MBTD1: variants seen among roughly 807,000 people sequenced by gnomAD.
The protein encoded by MBTD1 is MBT domain-containing protein 1.
A neutral mutation model predicts 87.8 loss-of-function variants in MBTD1; 24 were observed. That is an observed-to-expected ratio of 0.27 (90% CI 0.20 to 0.38). The LOEUF (loss-of-function observed/expected upper bound fraction) is 0.38. Ranked by LOEUF, MBTD1 falls within the 10% of genes least tolerant of loss-of-function variation. The pLI is 1.00. For missense variants in MBTD1, 436 were observed against 760.2 expected, an observed-to-expected ratio of 0.57 and a Z score of 5.02; for synonymous variants, 237 against 248.6, an observed-to-expected ratio of 0.95 and a Z score of 0.44.
At chr17:51,243,671 A>C (rs2054278284) in intron 2 of MBTD1, among the ~76,000 whole-genome samples, 1 of 152,124 alleles carries the variant, frequency 6.6e-6, no homozygotes, top group South Asian at 2.1e-4. Context: ...CTATCTCTTT[A>C]GTGTCCTTTA....
At chr17:51,192,554 C>T in intron 15 of MBTD1, 1 of 751,322 alleles carries the variant, frequency 1.3e-6, no homozygotes, top group Non-Finnish European at 2.1e-6. Flanking sequence ...AATTTGGTGA[C>T]TGTTGTGTTT....
chr17:51,225,175 C>T lies in MBTD1; in HGVS notation c.-14G>A, dbSNP rs1235484563. 1.3e-6 allele frequency: 2 copies of T among 1,533,412 alleles called. No homozygotes were observed. Among genetic ancestry groups the T allele is most frequent in the East Asian group, 2.5e-5 (1 of 40,466 alleles). The allele number at this position is 1,533,412 out of a possible 1,614,324, so 95.0% of individuals were successfully genotyped here. A position where few individuals can be genotyped will look rare whatever the true frequency, so the allele number is the denominator to read the frequency against. On this transcript the variant is annotated 5_prime_UTR_variant, in exon 3 of 17. Coordinates refer to ENST00000586178, the MANE Select transcript of MBTD1 (RefSeq NM_017643.3). ...ACCGTCAAACATCCCGAAAGAATCT[C>T]TTCTTTTCCTTTCAGATCGTGAAGA...
At chr17:51,249,047 T>C (rs535931185) in intron 2 of MBTD1, among the ~76,000 whole-genome samples, 1 of 152,048 alleles carries the variant, frequency 6.6e-6, no homozygotes, top group East Asian at 1.9e-4. Flanking sequence ...GCCCAAGAGT[T>C]TGAGACTAGC....
chr17:51,180,333 T>C lies in MBTD1; in HGVS notation c.*243A>G, dbSNP rs2050254658. 5.2e-6 allele frequency: 2 copies of C among 382,064 alleles called. No individual in the cohort carries two copies. Among genetic ancestry groups the C allele is most frequent in the Non-Finnish European group, 9.3e-6 (2 of 215,642 alleles). 23.7% of individuals were successfully genotyped at this position (382,064 alleles called of 1,614,324 possible). A position where few individuals can be genotyped will look rare whatever the true frequency, so the allele number is the denominator to read the frequency against. On this transcript the variant is annotated 3_prime_UTR_variant, in exon 17 of 17. Coordinates refer to ENST00000586178, the MANE Select transcript of MBTD1 (RefSeq NM_017643.3). ...ACATAAATCCAAACTTGGAAAATAT[T>C]ACAAAATTCTTTCAAAAGCTTCAAA...
chr17:51,258,458 G>A lies in MBTD1; in HGVS notation c.-49+685C>T, dbSNP rs192870205. ...TAAAAATATTGTAAACTCTAAACAA[G>A]TATTAAAATGGTTCGTAAATTTCAA... On this transcript the variant is annotated intron_variant, in intron 2 of 16. Coordinates refer to ENST00000586178, the MANE Select transcript of MBTD1 (RefSeq NM_017643.3). Among the ~76,000 whole-genome samples the A allele has an allele frequency of 1.7e-3, 251 of 151,604 alleles. 2 individuals are homozygous for A. The highest frequency in any genetic ancestry group is 2.5e-3 in the Non-Finnish European group (173 of 67,930).
intron 3 of MBTD1, among the ~76,000 whole-genome samples, chr17:51,222,596 C>T (rs933607898): frequency 1.3e-5 from 2 of 150,706 alleles, no homozygotes; most frequent in Non-Finnish European, 3.0e-5. Context: ...TGGGGTTTCA[C>T]CATGTTGCCC....
rs1243891256 is a variant in MBTD1, at chr17:51,180,470, T to C, written c.*106A>G. ...AAAAATCTGGAACTGAAATCTTCTA[T>C]GTTTAGCAAAATGTCCCAGTAGAGT... is the stretch of plus-strand genomic sequence containing the variant. On this transcript the variant is annotated 3_prime_UTR_variant, in exon 17 of 17. Transcript: ENST00000586178. 1 of 221,512 alleles carries C rather than the reference T, an allele frequency of 4.5e-6. No individual in the cohort carries two copies. Among genetic ancestry groups the C allele is most frequent in the Non-Finnish European group, 8.1e-6 (1 of 123,518 alleles). 13.7% of individuals were successfully genotyped at this position (221,512 alleles called of 1,614,324 possible). A position where few individuals can be genotyped will look rare whatever the true frequency, so the allele number is the denominator to read the frequency against.
intron 6 of MBTD1, among the ~76,000 whole-genome samples, chr17:51,212,077 C>T (rs760277286): frequency 3.3e-5 from 5 of 151,868 alleles, no homozygotes; most frequent in African/African-American, 4.8e-5. Context: ...AAAAAGTATG[C>T]GGCCAGGCGC....
intron 6 of MBTD1, among the ~76,000 whole-genome samples, chr17:51,211,515 A>AG (rs1182914745): frequency 6.6e-6 from 1 of 151,464 alleles, no homozygotes; most frequent in Non-Finnish European, 1.5e-5. Context: ...AAAAAAAAAA[A>AG]AAAAAAGACA....
chr17:51,212,593 A>G (rs2052309974), intron 6 of MBTD1, among the ~76,000 whole-genome samples: 1 of 152,086 alleles, frequency 6.6e-6, no homozygotes, highest in Non-Finnish European at 1.5e-5. Flanking sequence ...GTAAATATAA[A>G]ACTGAAAGAA....
At chr17:51,219,363 T>C (rs1050591932) in intron 4 of MBTD1, among the ~76,000 whole-genome samples, 2 of 152,200 alleles carry the variant, frequency 1.3e-5, no homozygotes, top group Non-Finnish European at 2.9e-5. Flanking sequence ...TTACAGTAGA[T>C]AGAACCAGTG....
At chr17:51,225,883 A>G (rs568383652) in intron 2 of MBTD1, among the ~76,000 whole-genome samples, 1 of 151,536 alleles carries the variant, frequency 6.6e-6, no homozygotes, top group African/African-American at 2.4e-5. Context: ...GGTTCAAGTG[A>G]TTCTCCTGCC....
chr17:51,192,151 T>A, intron 16 of MBTD1, 52 bp downstream of exon 16: 1 of 1,215,852 alleles, frequency 8.2e-7, no homozygotes, highest in African/African-American at 1.5e-5. Flanking sequence ...ATACTGTGAC[T>A]CCAATTAGTT....
intron 2 of MBTD1, among the ~76,000 whole-genome samples, chr17:51,236,127 T>C (rs1197360221): frequency 6.6e-6 from 1 of 152,176 alleles, no homozygotes; most frequent in Non-Finnish European, 1.5e-5. Context: ...TATGTCAATA[T>C]CTATATAGAT....
chr17:51,211,260 A>G (rs1002956942), intron 6 of MBTD1, among the ~76,000 whole-genome samples: 1 of 152,110 alleles, frequency 6.6e-6, no homozygotes, highest in African/African-American at 2.4e-5. Flanking sequence ...TGGGAGGCCA[A>G]GGTTGGGGGA....
intron 2 of MBTD1, among the ~76,000 whole-genome samples, chr17:51,240,117 G>A (rs2054079890): frequency 6.6e-6 from 1 of 151,892 alleles, no homozygotes; most frequent in South Asian, 2.1e-4. Context: ...ATCTATAACT[G>A]TTCTCAAAAG....
chr17:51,192,292 A>G lies in MBTD1; in HGVS notation c.1691-12T>C, dbSNP rs187533558. On this transcript the variant is annotated splice_polypyrimidine_tract_variant and intron_variant, in intron 15 of 16. Coordinates refer to ENST00000586178, the MANE Select transcript of MBTD1 (RefSeq NM_017643.3). ...GTTTTCTCTTGATGCTGAAAAATAA[A>G]AAGGGAAAATTGGTACTAGATAATT... 3 of 1,540,272 alleles carry G rather than the reference A, an allele frequency of 1.9e-6. No individual in the cohort carries two copies. In the African/African-American group the frequency reaches 4.1e-5, roughly 21 times the overall value.
intron 2 of MBTD1, among the ~76,000 whole-genome samples, chr17:51,237,295 CAA>C (rs368805446): frequency 6.6e-5 from 4 of 60,478 alleles, no homozygotes; most frequent in African/African-American, 1.1e-4. Context: ...GACTCCATCT[CAA>C]AAAAAAAAAA....
chr17:51,197,462 A>AT (rs1159658879), intron 12 of MBTD1, among the ~76,000 whole-genome samples: 1 of 150,564 alleles, frequency 6.6e-6, no homozygotes, highest in Non-Finnish European at 1.5e-5. Flanking sequence ...ATAAACTCCT[A>AT]ATTTGCCCAA....
Sources: gnomAD v4.1 joint callset for allele counts (sites outside exome capture counted in the v4.1 genomes callset) on GRCh38, gnomAD v4.1.1 for gene constraint, MANE v1.5 for transcripts, NCBI Gene and HGNC (gene_info 2026-07-23, HGNC 2026-07-21) for gene names.